DDX1: variants seen among roughly 807,000 people sequenced by gnomAD.
DDX1 encodes the protein DEAD-box helicase 1.
DDX1 carries 28 observed loss-of-function variants against 108.7 expected under a neutral mutation model. That is an observed-to-expected ratio of 0.26 (90% CI 0.19 to 0.35). DDX1 has a LOEUF of 0.35. DDX1 is among the 10% of genes least tolerant of loss of function. The pLI is 1.00. For missense variants in DDX1, 710 were observed against 884.5 expected, an observed-to-expected ratio of 0.80 and a Z score of 2.50; for synonymous variants, 295 against 288.9, an observed-to-expected ratio of 1.02 and a Z score of -0.21.
chr2:15,606,729 A>C (rs1665668159), intron 12 of DDX1, among the ~76,000 whole-genome samples: 1 of 152,226 alleles, frequency 6.6e-6, no homozygotes, highest in Non-Finnish European at 1.5e-5. Flanking sequence ...TGTATATCTA[A>C]TATTTAAAGT....
chr2:15,607,111 T>C (rs1457691736), intron 12 of DDX1, 64 bp from the exon 13 acceptor site: 35 of 1,405,788 alleles, frequency 2.5e-5, no homozygotes, highest in Non-Finnish European at 3.4e-5. Flanking sequence ...TGTCCTAATG[T>C]TTTATAAGTA....
chr2:15,630,818 T>A lies in DDX1; in HGVS notation c.2135T>A (p.Val712Asp). The A allele has an allele frequency of 6.2e-7, 1 of 1,614,064 alleles. No individual in the cohort carries two copies. ...KGHVDILAPT[V>D]QELAALEKEA... ...CATGTGGATATTTTGGCACCTACTG[T>A]TCAAGAGTTGGCTGCCCTTGAAAAG... The change falls in exon 26 of 26, where the codon GTT becomes GAT. Residue 712 changes from valine to aspartate, a missense_variant. By Grantham distance (152) the Val-to-Asp change is radical. Coordinates refer to ENST00000233084, the MANE Select transcript of DDX1 (RefSeq NM_004939.3).
intron 9 of DDX1, 36 bp from the exon 10 acceptor site, chr2:15,604,400 CT>C: frequency 7.5e-7 from 1 of 1,333,550 alleles, no homozygotes. Context: ...TAAGAATTTA[CT>C]TTCTATTAAT....
chr2:15,616,717 A>G (rs1665900799), intron 14 of DDX1, among the ~76,000 whole-genome samples: 2 of 152,166 alleles, frequency 1.3e-5, no homozygotes, highest in African/African-American at 2.4e-5. Context: ...GTTTTCCTGG[A>G]CAGTCTGATC....
Position 15,620,310 on chromosome 2 carries a change from G to A in DDX1, c.1309G>A (p.Val437Ile). 1.9e-6 allele frequency: 3 copies of A among 1,613,996 alleles called. No individual in the cohort carries two copies. Among genetic ancestry groups the A allele is most frequent in the Non-Finnish European group, 2.5e-6 (3 of 1,179,914 alleles). ...GGTTGACTTAAAAGGAGAAGACTCTGTTCCAGATACTGTACACCATGTTGT... is the reference window on the plus strand; with the variant it reads ...GGTTGACTTAAAAGGAGAAGACTCTATTCCAGATACTGTACACCATGTTGT... ...TWVDLKGEDS[V>I]PDTVHHVVVP... is the part of the protein sequence containing the mutation. Residue 437 changes from valine (V) to isoleucine (I), a missense_variant, in exon 17 of 26, where the codon GTT becomes ATT. Transcript: ENST00000233084.
chr2:15,618,982 C>A (rs1665944753), intron 16 of DDX1, among the ~76,000 whole-genome samples: 2 of 152,218 alleles, frequency 1.3e-5, no homozygotes, highest in Admixed American at 1.3e-4. Context: ...GCAGACATCT[C>A]CGAACCTGTG....
At chr2:15,612,875 C>T (rs867325200) in intron 13 of DDX1, among the ~76,000 whole-genome samples, 2,062 of 151,770 alleles carry the variant, frequency 0.014, 56 homozygotes, top group African/African-American at 0.047. Context: ...GGCGTGGTGG[C>T]GCGTGCCTGC....
intron 19 of DDX1, among the ~76,000 whole-genome samples, chr2:15,625,082 A>G (rs560740328): frequency 2.0e-5 from 3 of 152,316 alleles, no homozygotes; most frequent in African/African-American, 7.2e-5. Context: ...ATGGATAAAT[A>G]AAGTGTGAAA....
intron 6 of DDX1, among the ~76,000 whole-genome samples, 199 bp from the exon 7 acceptor site, chr2:15,602,349 A>T (rs998541626): frequency 6.6e-6 from 1 of 152,218 alleles, no homozygotes; most frequent in African/African-American, 2.4e-5. Context: ...ACACCCAGGG[A>T]ATGAAATGGT....
At position 15,618,270 on chromosome 2, in the gene DDX1, G is replaced by T; in HGVS notation, c.1206G>T (p.Gln402His). The change falls in exon 16 of 26, where the codon CAG becomes CAT. Residue 402 changes from glutamine (Q) to histidine (H), a missense_variant and splice_region_variant. Physicochemically the swap from Gln to His is conservative, Grantham distance 24 (BLOSUM62 0). Transcript: ENST00000233084. ...TTACCTCTGATGGAAAAAGACTTCA[G>T]GTATAAAATTTATCAATGCATCTTA... is the stretch of plus-strand genomic sequence containing the variant. The part of the protein sequence containing the change: ...PQVTSDGKRL[Q>H]VIVCSATLHS... The T allele has an allele frequency of 6.6e-7, 1 of 1,509,530 alleles. No individual in the cohort carries two copies. Among genetic ancestry groups the T allele is most frequent in the Non-Finnish European group, 9.2e-7 (1 of 1,092,354 alleles). 93.5% of individuals were successfully genotyped at this position (1,509,530 alleles called of 1,614,324 possible).
intron 13 of DDX1, among the ~76,000 whole-genome samples, chr2:15,611,749 C>T (rs1415867049): frequency 8.6e-5 from 8 of 93,174 alleles, no homozygotes; most frequent in Admixed American, 1.9e-4. Flanking sequence ...CTGACCCCCC[C>T]ACCTCCCTCC....
chr2:15,598,457 G>A (rs1272232187), intron 5 of DDX1, among the ~76,000 whole-genome samples: 2 of 152,052 alleles, frequency 1.3e-5, no homozygotes, highest in African/African-American at 2.4e-5. Context: ...CATCCTATGA[G>A]GAATAAAGAA....
intron 16 of DDX1, among the ~76,000 whole-genome samples, chr2:15,618,795 T>A (rs1665942512): frequency 6.6e-6 from 1 of 152,190 alleles, no homozygotes; most frequent in African/African-American, 2.4e-5. Flanking sequence ...CCTCCTTCCG[T>A]GTTCGCTGGC....
chr2:15,629,788 G>A, intron 24 of DDX1, 91 bp downstream of exon 24: 1 of 1,126,508 alleles, frequency 8.9e-7, no homozygotes, highest in Non-Finnish European at 1.2e-6. Flanking sequence ...GCTTTTATCT[G>A]TTTGTCACTT....
At chr2:15,630,293 T>C (rs1040334345) in intron 25 of DDX1, among the ~76,000 whole-genome samples, 183 bp downstream of exon 25, 7 of 152,248 alleles carry the variant, frequency 4.6e-5, no homozygotes, top group African/African-American at 1.2e-4. Context: ...TTTTAAATTG[T>C]GTCATCTTTA....
In DDX1 at chr2:15,631,016, A is replaced by G; in HGVS notation, c.*110A>G. ...GTATTTATAGTAACGTAAGCTATTA[A>G]TGCTAACTCTTGCATGTCAAGAAAC... On this transcript the variant is annotated 3_prime_UTR_variant, in exon 26 of 26. Transcript: ENST00000233084. 1 of 986,418 alleles carries G rather than the reference A, an allele frequency of 1.0e-6. No homozygotes were observed. Among genetic ancestry groups the G allele is most frequent in the Non-Finnish European group, 1.4e-6 (1 of 697,888 alleles). The allele number at this position is 986,418 out of a possible 1,614,324, so 61.1% of individuals were successfully genotyped here.
intron 13 of DDX1, among the ~76,000 whole-genome samples, chr2:15,610,877 TTTTATTTTTTAATTTA>T (rs1665740569): frequency 2.6e-5 from 4 of 152,010 alleles, no homozygotes; most frequent in African/African-American, 9.7e-5. Context: ...TTTTTTTATT[TTTTATTTTTTAATTTA>T]TTTATTTTTT....
chr2:15,619,400 G>A (rs1286460006), intron 16 of DDX1, among the ~76,000 whole-genome samples: 3 of 152,106 alleles, frequency 2.0e-5, no homozygotes. Context: ...GAAGGTTGGG[G>A]TGGCCCAGTC....
At chr2:15,601,450 A>G (rs1665587990) in intron 6 of DDX1, among the ~76,000 whole-genome samples, 1 of 152,240 alleles carries the variant, frequency 6.6e-6, no homozygotes, top group South Asian at 2.1e-4. Flanking sequence ...GCTATAAATC[A>G]GGGTTCCTAC....
Sources: allele counts gnomAD v4.1 joint callset (sites outside exome capture counted in the v4.1 genomes callset), GRCh38; gene constraint gnomAD v4.1.1; transcripts MANE v1.5; gene names NCBI Gene and HGNC (gene_info 2026-07-23, HGNC 2026-07-21).